NUFIP1: variants seen among roughly 807,000 people sequenced by gnomAD.
NUFIP1 encodes the protein nuclear FMR1 interacting protein 1.
NUFIP1 carries 38 observed loss-of-function variants against 56.2 expected under a neutral mutation model. The ratio of observed to expected loss-of-function variants is 0.68; its 90% CI spans 0.52 to 0.89. The LOEUF (loss-of-function observed/expected upper bound fraction) is 0.89, where lower values mean the gene tolerates loss of function less well. Among genes scored for constraint, NUFIP1 ranks in the 40% least tolerant of loss-of-function variants. The pLI, the probability that NUFIP1 is intolerant of heterozygous loss-of-function variation, is 0.00. For synonymous variants in NUFIP1, 215 were observed against 212.4 expected (o/e 1.01, Z -0.10); for missense variants, 567 against 605.8 (o/e 0.94, Z 0.67).
chr13:44,986,630 T>C (rs952528145), intron 1 of NUFIP1, among the ~76,000 whole-genome samples: 11 of 146,670 alleles, frequency 7.5e-5, no homozygotes, highest in African/African-American at 2.5e-4. Flanking sequence ...AGGCAGAGCT[T>C]GCAATGAGCC....
intron 8 of NUFIP1, among the ~76,000 whole-genome samples, chr13:44,949,195 T>C (rs1209671644): frequency 2.4e-5 from 3 of 126,388 alleles, no homozygotes; most frequent in Non-Finnish European, 4.7e-5. Flanking sequence ...TTTCATTATA[T>C]TGTATTTTTT....
intron 5 of NUFIP1, among the ~76,000 whole-genome samples, chr13:44,977,442 T>A (rs1437962611): frequency 6.6e-6 from 1 of 152,174 alleles, no homozygotes; most frequent in African/African-American, 2.4e-5. Context: ...TATTTTTTCA[T>A]TTTTTTCTTA....
intron 9 of NUFIP1, among the ~76,000 whole-genome samples, 172 bp downstream of exon 9, chr13:44,943,270 T>A (rs1254254349): frequency 6.6e-6 from 1 of 152,138 alleles, no homozygotes; most frequent in Admixed American, 6.5e-5. Context: ...TCACTGAATA[T>A]ACCAGCTATA....
At chr13:44,951,290 A>G (rs1167269721) in intron 7 of NUFIP1, among the ~76,000 whole-genome samples, 1 of 152,232 alleles carries the variant, frequency 6.6e-6, no homozygotes, top group East Asian at 1.9e-4. Context: ...AAAGAGAGGT[A>G]ACAAAAAGTA....
At chr13:44,946,628 T>A (rs1870909468) in intron 8 of NUFIP1, among the ~76,000 whole-genome samples, 1 of 152,206 alleles carries the variant, frequency 6.6e-6, no homozygotes, top group Admixed American at 6.5e-5. Flanking sequence ...TGTTTAAATA[T>A]CTTTCCAGAA....
At position 44,979,232 on chromosome 13, in the gene NUFIP1, T is replaced by C; in HGVS notation, c.692A>G (p.Asp231Gly). 1 of 1,613,596 alleles carries C rather than the reference T, an allele frequency of 6.2e-7. No homozygotes were observed. Among genetic ancestry groups the C allele is most frequent in the Admixed American group, 1.7e-5 (1 of 59,816 alleles). Residue 231 changes from aspartate to glycine, a missense_variant, in exon 5 of 10, where the codon GAC becomes GGC. Asp to Gly is a moderately conservative substitution (Grantham distance 94). Transcript: ENST00000379161. ...CCACCGTGCAATTTCCTCTGGAGTG[T>C]CTAACTTGATCTTCTTCATGCCAGG... ...HAPGMKKIKL[D>G]TPEEIARWRE...
intron 7 of NUFIP1, among the ~76,000 whole-genome samples, chr13:44,950,647 C>T (rs569190952): frequency 2.5e-4 from 38 of 152,192 alleles, no homozygotes; most frequent in Non-Finnish European, 4.6e-4. Flanking sequence ...TGTGACCAGC[C>T]CACTCAAAGT....
chr13:44,981,742 G>T (rs1025691085), intron 2 of NUFIP1, among the ~76,000 whole-genome samples: 18 of 152,194 alleles, frequency 1.2e-4, no homozygotes, highest in South Asian at 8.3e-4. Flanking sequence ...AACCCAGGAG[G>T]CGGAGGTTGC....
chr13:44,952,132 T>C lies in NUFIP1; in HGVS notation c.1022-2294A>G, dbSNP rs181013908. On this transcript the variant is annotated intron_variant, in intron 7 of 9. Transcript: ENST00000379161. ...TTATTTTACTCAGCTTCAATCATCT[T>C]GATAATTCTGTTTTTTTGTTTTTGT... Among the ~76,000 whole-genome samples, 562 of 152,300 alleles carry C rather than the reference T, an allele frequency of 3.7e-3. 11 individuals carry two copies. Among genetic ancestry groups the C allele is most frequent in the Non-Finnish European group, 2.0e-3 (133 of 68,012 alleles).
intron 5 of NUFIP1, among the ~76,000 whole-genome samples, chr13:44,970,684 G>A (rs531875425): frequency 2.6e-4 from 40 of 152,038 alleles, no homozygotes; most frequent in African/African-American, 9.2e-4. Flanking sequence ...TTTGTTTGTT[G>A]TTTTTTTATT....
At chr13:44,980,924 T>C (rs1044083380) in intron 2 of NUFIP1, 104 bp from the exon 3 acceptor site, 27 of 654,466 alleles carry the variant, frequency 4.1e-5, no homozygotes, top group South Asian at 1.2e-4. Context: ...ATGTTTCCAA[T>C]AACCCTTTCG....
chr13:44,969,319 T>C (rs1871722550), intron 5 of NUFIP1, among the ~76,000 whole-genome samples: 1 of 151,850 alleles, frequency 6.6e-6, no homozygotes, highest in Non-Finnish European at 1.5e-5. Context: ...TCCACCAACA[T>C]GAAGCTGAGA....
At chr13:44,962,530 C>G (rs1259701403) in intron 6 of NUFIP1, among the ~76,000 whole-genome samples, 1 of 152,222 alleles carries the variant, frequency 6.6e-6, no homozygotes, top group Non-Finnish European at 1.5e-5. Flanking sequence ...CAATGGACCA[C>G]ATATATGACA....
intron 1 of NUFIP1, among the ~76,000 whole-genome samples, chr13:44,987,320 A>C (rs1007419999): frequency 6.6e-5 from 10 of 151,956 alleles, no homozygotes; most frequent in Admixed American, 2.6e-4. Flanking sequence ...GGAGGTTGCA[A>C]TGAGCCAAGA....
rs1486786500 is a variant in NUFIP1 at position 44,943,573 on chromosome 13, T to G, written c.1240A>C (p.Asn414His). Residue 414 changes from asparagine to histidine, a missense_variant, in exon 9 of 10, where the codon AAT (asparagine) becomes CAT (histidine). Coordinates refer to ENST00000379161, the MANE Select transcript of NUFIP1 (RefSeq NM_012345.3). ...PSQDVKATVRNFSEAKSENRK... is the reference protein window; with the variant it reads ...PSQDVKATVRHFSEAKSENRK... ...TTCTCACTCTTGGCTTCTGAAAAAT[T>G]TCTAACAGTTGCTTTAACATCTTGA... The G allele has an allele frequency of 1.9e-6, 3 of 1,614,032 alleles. No individual in the cohort carries two copies. The highest frequency in any genetic ancestry group is 2.5e-6 in the Non-Finnish European group (3 of 1,180,004).
chr13:44,959,464 C>T lies in NUFIP1; in HGVS notation c.938G>A (p.Gly313Asp), dbSNP rs144587621. Residue 313 changes from glycine (G) to aspartate (D), a missense_variant, in exon 7 of 10, where the codon GGC becomes GAC. Physicochemically the swap from Gly to Asp is moderately conservative, Grantham distance 94 (BLOSUM62 -1). Coordinates refer to ENST00000379161, the MANE Select transcript of NUFIP1 (RefSeq NM_012345.3). ...NSRQRAVTGS[G>D]SHLCDLKLEG... is the part of the protein sequence containing the mutation. ...TAGCTTCAAATCACACAAGTGACTG[C>T]CTGATCCAGTGACTGCTCTCTGTCT... is the stretch of plus-strand genomic sequence containing the variant. 1.9e-6 allele frequency: 3 copies of T among 1,613,974 alleles called. No homozygotes were observed. In the African/African-American group the frequency reaches 4.0e-5, roughly 22 times the overall value.
chr13:44,955,443 T>C (rs1303359340), intron 7 of NUFIP1, among the ~76,000 whole-genome samples: 1 of 152,178 alleles, frequency 6.6e-6, no homozygotes, highest in Non-Finnish European at 1.5e-5. Context: ...CTCTAGAACT[T>C]GAGTCTTGTT....
chr13:44,942,280 G>C lies in NUFIP1; in HGVS notation c.1372-958C>G, dbSNP rs373194710. 6.2e-4 allele frequency among the ~76,000 whole-genome samples: 94 copies of C among 152,212 alleles called. No homozygotes were observed. The East Asian group carries it at 9.8e-3, about 16-fold the overall frequency. ...GAAAGCTAGAAATCCCTGGTATTTAGAACAAGCACATAATCAAGGAATCAC... is the reference window on the plus strand; with the variant it reads ...GAAAGCTAGAAATCCCTGGTATTTACAACAAGCACATAATCAAGGAATCAC... On this transcript the variant is annotated intron_variant, in intron 9 of 9. Transcript: ENST00000379161.
At position 44,949,844 on chromosome 13, in the gene NUFIP1, G is replaced by A; in HGVS notation, c.1022-6C>T. 1.6e-6 allele frequency: 2 copies of A among 1,231,962 alleles called. No homozygotes were observed. The highest frequency in any genetic ancestry group is 2.4e-6 in the Non-Finnish European group (2 of 836,324). The allele number at this position is 1,231,962 out of a possible 1,614,324, so 76.3% of individuals were successfully genotyped here. On this transcript the variant is annotated splice_polypyrimidine_tract_variant and splice_region_variant and intron_variant, in intron 7 of 9. Transcript: ENST00000379161. ...TTTCTCCTCCTTATCAGACTCTGAA[G>A]GGAAAAGAAGTCAGATTCAAAACAT... is the stretch of plus-strand genomic sequence containing the variant.
Sources: gnomAD v4.1 joint callset for allele counts (sites outside exome capture counted in the v4.1 genomes callset) on GRCh38, gnomAD v4.1.1 for gene constraint, MANE v1.5 for transcripts, NCBI Gene and HGNC (gene_info 2026-07-23, HGNC 2026-07-21) for gene names.